The following IL1RAPL1 variants were observed in gnomAD, a reference collection of about 807,000 sequenced individuals.
The protein encoded by IL1RAPL1 is interleukin-1 receptor accessory protein-like 1.
IL1RAPL1 carries 3 observed loss-of-function variants against 48.4 expected under a neutral mutation model. The ratio of observed to expected loss-of-function variants is 0.06; its 90% CI spans 0.03 to 0.16. IL1RAPL1 has a LOEUF of 0.16. Ranked by LOEUF, IL1RAPL1 falls within the 10% of genes least tolerant of loss-of-function variation. The pLI is 1.00. For synonymous variants in IL1RAPL1, 185 were observed against 187.7 expected (o/e 0.99, Z 0.12); for missense variants, 349 against 530.6 (o/e 0.66, Z 3.36).
intron 2 of IL1RAPL1, among the ~76,000 whole-genome samples, chrX:28,985,760 C>T (rs1477276231): frequency 1.9e-5 from 2 of 107,226 alleles, no homozygotes; most frequent in South Asian, 4.1e-4. Flanking sequence ...CCCGGGTTCA[C>T]GCCATTCTCC....
chrX:29,657,489 A>G (rs1925716816), intron 5 of IL1RAPL1, among the ~76,000 whole-genome samples: 1 of 112,021 alleles, frequency 8.9e-6, no homozygotes, highest in African/African-American at 3.2e-5. Flanking sequence ...CCAACTCAAT[A>G]TAATCTGGAA....
chrX:28,790,923 A>G (rs1936531727), intron 2 of IL1RAPL1, among the ~76,000 whole-genome samples: 1 of 112,014 alleles, frequency 8.9e-6, no homozygotes, highest in Non-Finnish European at 1.9e-5. Context: ...TTTCTGGAAT[A>G]GAAATTTACA....
chrX:29,032,111 A>G (rs1162189672), intron 2 of IL1RAPL1, among the ~76,000 whole-genome samples: 1 of 111,715 alleles, frequency 9.0e-6, no homozygotes, highest in Admixed American at 9.5e-5. Context: ...CTCACTCATC[A>G]TATCATGTAC....
rs777277649 is a variant in IL1RAPL1, at chrX:28,673,434, G to A, written c.-25+85387G>A. On this transcript the variant is annotated intron_variant, in intron 1 of 10. Coordinates refer to ENST00000378993, the MANE Select transcript of IL1RAPL1 (RefSeq NM_014271.4). ...GCAGTACCATTCAGGACATAGGCAC[G>A]GGCAAAGATTTCATAATGAAGACAC... is the stretch of plus-strand genomic sequence containing the variant. Among the ~76,000 whole-genome samples the A allele has an allele frequency of 5.4e-5, 6 of 111,952 alleles. No homozygotes were observed. The South Asian group carries it at 1.5e-3, about 27-fold the overall frequency.
chrX:29,802,817 A>C, intron 6 of IL1RAPL1, among the ~76,000 whole-genome samples: 1 of 61,623 alleles, frequency 1.6e-5, no homozygotes, highest in African/African-American at 7.5e-5. Flanking sequence ...ATATGTGTGT[A>C]TATATATGTA....
chrX:29,407,676 C>T (rs4829401), intron 5 of IL1RAPL1, among the ~76,000 whole-genome samples: 42,067 of 110,668 alleles, frequency 0.38, 6,564 homozygotes, highest in Middle Eastern at 0.55. Context: ...AGGATTTGCT[C>T]ATTAAAAGTA....
chrX:28,630,603 A>G (rs1187906496), intron 1 of IL1RAPL1, among the ~76,000 whole-genome samples: 1 of 111,739 alleles, frequency 8.9e-6, no homozygotes, highest in African/African-American at 3.3e-5. Context: ...TTCATCCTTC[A>G]TGCTTTCCTA....
chrX:28,737,191 CTCTT>C lies in IL1RAPL1; in HGVS notation c.-24-52117_-24-52114del, dbSNP rs1233980793. ...CTTCCTTCCTTCCTTTCTTTCCTTT[CTCTT>C]TCTTTCTTTCTCTTTCTTTCTTTCT... is the stretch of plus-strand genomic sequence containing the variant. On this transcript the variant is annotated intron_variant, in intron 1 of 10. Coordinates refer to ENST00000378993, the MANE Select transcript of IL1RAPL1 (RefSeq NM_014271.4). Among the ~76,000 whole-genome samples, 216 of 79,425 alleles carry C rather than the reference CTCTT, an allele frequency of 2.7e-3. 4 individuals are homozygous for C. Among genetic ancestry groups the C allele is most frequent in the African/African-American group, 9.7e-3 (201 of 20,635 alleles). 69.0% of individuals were successfully genotyped at this position (79,425 alleles called of 115,157 possible).
intron 6 of IL1RAPL1, among the ~76,000 whole-genome samples, chrX:29,824,886 A>AATACCTTGTTGG (rs1930699757): frequency 1.8e-5 from 2 of 108,168 alleles, no homozygotes; most frequent in African/African-American, 6.9e-5. Context: ...AATTAGCCAA[A>AATACCTTGTTGG]CACAATCACC....
chrX:29,422,392 C>T (rs1181054907), intron 5 of IL1RAPL1, among the ~76,000 whole-genome samples: 2 of 111,060 alleles, frequency 1.8e-5, no homozygotes, highest in East Asian at 5.6e-4. Flanking sequence ...TGTTAAAGTG[C>T]CATATTTGGG....
At chrX:28,821,510 A>G (rs1936937251) in intron 2 of IL1RAPL1, among the ~76,000 whole-genome samples, 1 of 111,812 alleles carries the variant, frequency 8.9e-6, no homozygotes, top group Non-Finnish European at 1.9e-5. Flanking sequence ...TCTAAGCAGT[A>G]TTGTCAGTGT....
intron 5 of IL1RAPL1, among the ~76,000 whole-genome samples, chrX:29,598,729 T>G (rs1472365245): frequency 2.7e-5 from 3 of 111,672 alleles, no homozygotes; most frequent in Admixed American, 9.5e-5. Flanking sequence ...GCATATATAT[T>G]TAAGATTATG....
intron 1 of IL1RAPL1, among the ~76,000 whole-genome samples, chrX:28,650,070 A>G (rs916943797): frequency 9.0e-6 from 1 of 111,278 alleles, no homozygotes; most frequent in African/African-American, 3.3e-5. Flanking sequence ...TGTTTGGGGG[A>G]AGTCAAAACC....
At chrX:29,164,908 T>C (rs763748443) in intron 2 of IL1RAPL1, among the ~76,000 whole-genome samples, 1 of 111,928 alleles carries the variant, frequency 8.9e-6, no homozygotes, top group Non-Finnish European at 1.9e-5. Flanking sequence ...GTGGGAATCT[T>C]TGTCCGTGAG....
intron 2 of IL1RAPL1, among the ~76,000 whole-genome samples, chrX:28,829,468 A>G (rs765084694): frequency 4.5e-5 from 5 of 110,160 alleles, no homozygotes; most frequent in Non-Finnish European, 9.5e-5. Context: ...GATGTTAGTT[A>G]TGGTTTTATC....
At chrX:29,035,188 C>T (rs1458586446) in intron 2 of IL1RAPL1, among the ~76,000 whole-genome samples, 1 of 111,376 alleles carries the variant, frequency 9.0e-6, no homozygotes, top group East Asian at 2.8e-4. Context: ...ACCTTGTGAT[C>T]TGCCCGCCTC....
intron 6 of IL1RAPL1, among the ~76,000 whole-genome samples, chrX:29,728,982 G>A (rs1310387128): frequency 8.9e-6 from 1 of 112,006 alleles, no homozygotes; most frequent in African/African-American, 3.3e-5. Flanking sequence ...ATAGTCAGAA[G>A]CAGCTCCTAG....
intron 2 of IL1RAPL1, among the ~76,000 whole-genome samples, chrX:29,070,505 C>T (rs181700545): frequency 1.0e-3 from 111 of 111,428 alleles, no homozygotes; most frequent in African/African-American, 3.5e-3. Context: ...TCTTTCATGG[C>T]CTTGAGGTTC....
intron 6 of IL1RAPL1, among the ~76,000 whole-genome samples, chrX:29,912,247 G>A (rs1368338296): frequency 4.5e-5 from 5 of 111,480 alleles, no homozygotes; most frequent in Admixed American, 3.8e-4. Context: ...TAGTTTACAC[G>A]ATAAATTTGG....
Sources: gnomAD v4.1 joint callset for allele counts (sites outside exome capture counted in the v4.1 genomes callset) on GRCh38, gnomAD v4.1.1 for gene constraint, MANE v1.5 for transcripts, NCBI Gene and HGNC (gene_info 2026-07-23, HGNC 2026-07-21) for gene names.